Variants in ATXN7L1 observed in about 807,000 individuals in gnomAD.
ATXN7L1 encodes ataxin-7-like protein 1.
ATXN7L1 carries 15 observed loss-of-function variants against 70.8 expected under a neutral mutation model. The ratio of observed to expected loss-of-function variants is 0.21; its 90% confidence interval spans 0.14 to 0.33. The LOEUF is 0.33. Among genes scored for constraint, ATXN7L1 ranks in the 10% least tolerant of loss-of-function variants. The pLI, the probability that ATXN7L1 is intolerant of heterozygous loss-of-function variation, is 1.00. For missense variants in ATXN7L1, 975 were observed against 1,097.1 expected (o/e 0.89, Z 1.57); for synonymous variants, 440 against 445.1 (o/e 0.99, Z 0.14).
intron 3 of ATXN7L1, among the ~76,000 whole-genome samples, chr7:105,754,086 T>G (rs536630432): frequency 6.6e-6 from 1 of 152,068 alleles, no homozygotes; most frequent in Admixed American, 6.5e-5. Flanking sequence ...GGGAAAATAC[T>G]TCTATGACCC....
chr7:105,867,074 G>C (rs1817593032), intron 2 of ATXN7L1, among the ~76,000 whole-genome samples: 2 of 152,208 alleles, frequency 1.3e-5, no homozygotes, highest in African/African-American at 4.8e-5. Flanking sequence ...CAATTCTGCA[G>C]CAGAGACGGC....
chr7:105,841,186 G>T (rs1343535402), intron 2 of ATXN7L1, among the ~76,000 whole-genome samples: 1 of 152,158 alleles, frequency 6.6e-6, no homozygotes. Context: ...GAGGTCGGGG[G>T]GTCAGGCACT....
intron 3 of ATXN7L1, among the ~76,000 whole-genome samples, chr7:105,693,025 T>A (rs1431046547): frequency 6.6e-5 from 10 of 151,994 alleles, no homozygotes; most frequent in Admixed American, 6.5e-4. Flanking sequence ...GCAGAAACAC[T>A]TCTTAAATTG....
At chr7:105,609,475 A>T (rs755134665) in intron 11 of ATXN7L1, among the ~76,000 whole-genome samples, 16 of 137,178 alleles carry the variant, frequency 1.2e-4, no homozygotes, top group East Asian at 4.5e-4. Flanking sequence ...CCTAAAAAAA[A>T]TTTTTTTTGA....
chr7:105,842,135 G>A (rs1813302952), intron 2 of ATXN7L1, among the ~76,000 whole-genome samples: 1 of 151,870 alleles, frequency 6.6e-6, no homozygotes, highest in African/African-American at 2.4e-5. Flanking sequence ...CTGGGAAAGG[G>A]CCTTTACATG....
Position 105,614,427 on chromosome 7 carries a change from C to T in ATXN7L1, c.1907G>A (p.Ser636Asn), listed in dbSNP as rs1322838018. ...TTTTTTGTTACTTGGAGACTCGTCG[C>T]TACGGGTGGACAGGTCTTTGACTTT... Reference protein sequence around the residue: ...SSKVKDLSTRSDESPSNKKRK... With the variant: ...SSKVKDLSTRNDESPSNKKRK... The change falls in exon 10 of 12, where the codon AGC (serine) becomes AAC (asparagine). Residue 636 changes from serine to asparagine, a missense_variant. Ser to Asn is a conservative substitution (Grantham distance 46). Transcript: ENST00000419735. The surrounding 1 kb of genome is among the most constrained non-coding windows in gnomAD (Gnocchi z 4.3). 4 of 1,550,250 alleles carry T rather than the reference C, an allele frequency of 2.6e-6. No homozygotes were observed. Among genetic ancestry groups the T allele is most frequent in the Non-Finnish European group, 3.5e-6 (4 of 1,146,072 alleles).
At position 105,689,783 on chromosome 7, in the gene ATXN7L1, G is replaced by A. The variant is rs1325784482; in HGVS notation, c.356-24495C>T. Among the ~76,000 whole-genome samples the A allele has an allele frequency of 2.6e-5, 4 of 152,298 alleles. No individual in the cohort carries two copies. The South Asian group carries it at 6.2e-4, about 24-fold the overall frequency. ...CAAATGGGGGCATGAGGAGGCGAAG[G>A]TCCGATGGATCATGTCCGAGCCCGA... is the stretch of plus-strand genomic sequence containing the variant. On this transcript the variant is annotated intron_variant, in intron 3 of 11. Coordinates refer to ENST00000419735, the MANE Select transcript of ATXN7L1 (RefSeq NM_020725.2).
intron 7 of ATXN7L1, among the ~76,000 whole-genome samples, chr7:105,632,827 G>T (rs1239260497): frequency 1.3e-5 from 2 of 151,170 alleles, no homozygotes; most frequent in African/African-American, 4.9e-5. Context: ...AGACTGAGGT[G>T]GGAGGATCAT....
chr7:105,740,905 C>T (rs111556138), intron 3 of ATXN7L1, among the ~76,000 whole-genome samples: 2,471 of 151,892 alleles, frequency 0.016, 67 homozygotes, highest in African/African-American at 0.056. Flanking sequence ...GCTGGGACTA[C>T]AGGCGCCCGC....
intron 3 of ATXN7L1, among the ~76,000 whole-genome samples, chr7:105,754,063 T>C (rs77074746): frequency 0.021 from 3,149 of 152,238 alleles, 89 homozygotes; most frequent in African/African-American, 0.073. Flanking sequence ...ATAGCACAAA[T>C]TAGACAATCT....
intron 3 of ATXN7L1, among the ~76,000 whole-genome samples, chr7:105,750,464 C>A (rs1300930320): frequency 6.6e-6 from 1 of 151,702 alleles, no homozygotes; most frequent in Non-Finnish European, 1.5e-5. Context: ...TTTGTAGAGA[C>A]AAGGTCTGCT....
chr7:105,844,961 T>C (rs560097358), intron 2 of ATXN7L1, among the ~76,000 whole-genome samples: 2 of 152,096 alleles, frequency 1.3e-5, no homozygotes, highest in South Asian at 2.1e-4. Flanking sequence ...TCCCAGCACT[T>C]TGGGAGGCTG....
chr7:105,727,777 T>TATATATATATATATATATATAC (rs1462125950), intron 3 of ATXN7L1, among the ~76,000 whole-genome samples: 16 of 90,188 alleles, frequency 1.8e-4, no homozygotes, highest in South Asian at 1.2e-3. Flanking sequence ...TATATATATA[T>TATATATATATATATATATATAC]ACACACACAT....
intron 4 of ATXN7L1, among the ~76,000 whole-genome samples, chr7:105,657,523 C>G (rs909313630): frequency 6.6e-6 from 1 of 151,348 alleles, no homozygotes; most frequent in African/African-American, 2.4e-5. Context: ...GATGGTGAAA[C>G]TCTAACTCTA....
chr7:105,872,826 T>C lies in ATXN7L1; in HGVS notation c.250+2986A>G, dbSNP rs577756914. 9.2e-5 allele frequency among the ~76,000 whole-genome samples: 14 copies of C among 151,834 alleles called. 1 individual carries two copies. The South Asian group carries it at 2.5e-3, about 27-fold the overall frequency. The stretch of plus-strand genomic sequence containing the variant: ...GGTTAAAATGATAAATTTTATGCTA[T>C]GTATATTTTACCACAAAAAAAAAAA... On this transcript the variant is annotated intron_variant, in intron 2 of 11. Transcript: ENST00000419735.
chr7:105,860,377 T>G (rs919205443), intron 2 of ATXN7L1, among the ~76,000 whole-genome samples: 13 of 152,026 alleles, frequency 8.6e-5, no homozygotes, highest in African/African-American at 3.1e-4. Context: ...GCGGTAGCAT[T>G]TTTTCATGGA....
chr7:105,775,381 T>C lies in ATXN7L1; in HGVS notation c.355+13223A>G, dbSNP rs555366499. ...AAGCACTGCGGGTTTAGAAAAGATA[T>C]AGCTTGGAAGTATCTTTAGAGATTT... On this transcript the variant is annotated intron_variant, in intron 3 of 11. Transcript: ENST00000419735. Among the ~76,000 whole-genome samples the C allele has an allele frequency of 1.1e-4, 16 of 152,254 alleles. No homozygotes were observed. In the East Asian group the frequency reaches 1.2e-3, roughly 11 times the overall value.
At chr7:105,768,221 T>A (rs1201173404) in intron 3 of ATXN7L1, among the ~76,000 whole-genome samples, 2 of 152,338 alleles carry the variant, frequency 1.3e-5, no homozygotes, top group East Asian at 3.9e-4. Context: ...ACAAGTTACA[T>A]GCCAAGGCAT....
intron 3 of ATXN7L1, among the ~76,000 whole-genome samples, chr7:105,763,894 C>T (rs936308748): frequency 1.3e-5 from 2 of 151,866 alleles, no homozygotes; most frequent in Non-Finnish European, 2.9e-5. Context: ...TGCTCTGTCA[C>T]CCAGGTTGGA....
Sources: allele counts gnomAD v4.1 joint callset (sites outside exome capture counted in the v4.1 genomes callset), GRCh38; gene constraint gnomAD v4.1.1; non-coding constraint Gnocchi (gnomAD v3.1); transcripts MANE v1.5; gene names NCBI Gene and HGNC (gene_info 2026-07-23, HGNC 2026-07-21).